ANKRD30B: variants seen among roughly 807,000 people sequenced by gnomAD.
ANKRD30B encodes the protein ankyrin repeat domain-containing protein 30B.
A neutral mutation model predicts 202.2 loss-of-function variants in ANKRD30B; 144 were observed. That is an observed-to-expected ratio of 0.71 (90% CI 0.62 to 0.82). ANKRD30B has a LOEUF of 0.82. ANKRD30B is among the 40% of genes least tolerant of loss of function. ANKRD30B has a pLI of 0.00. For synonymous variants in ANKRD30B, 508 were observed against 561.3 expected (o/e 0.91, Z 1.34); for missense variants, 1,487 against 1,669.1 (o/e 0.89, Z 1.90).
chr18:14,917,699 C>T, the ANKRD30B span, among the ~76,000 whole-genome samples: 3,683 of 152,338 alleles, frequency 0.024, 157 homozygotes, highest in African/African-American at 0.085. Context: ...GGCCATGTAA[C>T]TAATGTTCCT....
the ANKRD30B span, among the ~76,000 whole-genome samples, chr18:14,892,306 A>G: frequency 1.3e-5 from 2 of 152,244 alleles, no homozygotes; most frequent in Admixed American, 6.5e-5. Context: ...GTTGACTGAT[A>G]GAGTTATTAT....
chr18:14,908,177 C>G, the ANKRD30B span, among the ~76,000 whole-genome samples: 1 of 152,108 alleles, frequency 6.6e-6, no homozygotes, highest in South Asian at 2.1e-4. Context: ...TGTATGAAGC[C>G]TCACAGGTAG....
At position 14,773,072 on chromosome 18, in the gene ANKRD30B, C is replaced by G. The variant is rs115517661; in HGVS notation, c.1329+844C>G. ...TAAAAGTATGCTTTAAATTCTTCATCTAAATGAAGAATGCAGATTTTACCC... is the reference window on the plus strand; with the variant it reads ...TAAAAGTATGCTTTAAATTCTTCATGTAAATGAAGAATGCAGATTTTACCC... On this transcript the variant is annotated intron_variant, in intron 9 of 43. Transcript: ENST00000690538. Among the ~76,000 whole-genome samples, 716 of 152,192 alleles carry G rather than the reference C, an allele frequency of 4.7e-3. 8 individuals are homozygous for G. Among genetic ancestry groups the G allele is most frequent in the African/African-American group, 0.016 (651 of 41,540 alleles).
At chr18:14,836,913 C>T (rs1971199854) in intron 34 of ANKRD30B, among the ~76,000 whole-genome samples, 1 of 152,044 alleles carries the variant, frequency 6.6e-6, no homozygotes, top group African/African-American at 2.4e-5. Flanking sequence ...TGATTTTTCT[C>T]TCCTTTGTGC....
At chr18:14,795,110 C>A (rs1330225198) in intron 16 of ANKRD30B, among the ~76,000 whole-genome samples, 5 of 152,152 alleles carry the variant, frequency 3.3e-5, no homozygotes, top group Non-Finnish European at 7.3e-5. Flanking sequence ...TTTTCAATAA[C>A]CATTACTCTA....
the ANKRD30B span, among the ~76,000 whole-genome samples, chr18:14,929,766 C>T: frequency 8.7e-4 from 133 of 152,052 alleles, no homozygotes; most frequent in African/African-American, 1.2e-3. Flanking sequence ...TGGATAACAA[C>T]GGCAACTACA....
At chr18:14,819,286 C>T (rs1441793687) in intron 30 of ANKRD30B, among the ~76,000 whole-genome samples, 46 of 150,840 alleles carry the variant, frequency 3.0e-4, no homozygotes, top group African/African-American at 8.3e-4. Context: ...GAGTAGGTTG[C>T]GAAAATTTTC....
At chr18:14,872,468 T>C in the ANKRD30B span, among the ~76,000 whole-genome samples, 1 of 152,178 alleles carries the variant, frequency 6.6e-6, no homozygotes, top group East Asian at 1.9e-4. Context: ...TTCTATCAAC[T>C]TATCCATTTA....
intron 7 of ANKRD30B, among the ~76,000 whole-genome samples, chr18:14,768,357 C>T (rs1355117727): frequency 6.6e-6 from 1 of 152,168 alleles, no homozygotes; most frequent in Admixed American, 6.5e-5. Context: ...TCATAATAAA[C>T]TGGTAAATGT....
At chr18:14,863,048 A>G in the ANKRD30B span, among the ~76,000 whole-genome samples, 19 of 152,316 alleles carry the variant, frequency 1.2e-4, no homozygotes, top group East Asian at 1.9e-3. Flanking sequence ...TCACAGATGG[A>G]GGAACGTACC....
At chr18:14,841,562 G>T (rs1401997452) in intron 37 of ANKRD30B, among the ~76,000 whole-genome samples, 1 of 152,144 alleles carries the variant, frequency 6.6e-6, no homozygotes, top group Non-Finnish European at 1.5e-5. Flanking sequence ...AATTACAGAT[G>T]TCAGATACTA....
chr18:14,780,838 T>C (rs1392486938), intron 11 of ANKRD30B, among the ~76,000 whole-genome samples: 1 of 152,194 alleles, frequency 6.6e-6, no homozygotes, highest in African/African-American at 2.4e-5. Context: ...GCATAAAGAA[T>C]AGGAAACCAG....
At chr18:14,920,871 T>C in the ANKRD30B span, among the ~76,000 whole-genome samples, 1 of 152,248 alleles carries the variant, frequency 6.6e-6, no homozygotes, top group Non-Finnish European at 1.5e-5. Flanking sequence ...TGCAAGTGCA[T>C]GTAAGATTGG....
intron 8 of ANKRD30B, 79 bp downstream of exon 8, chr18:14,769,452 T>A: frequency 2.6e-6 from 3 of 1,144,416 alleles, no homozygotes; most frequent in Non-Finnish European, 2.5e-6. Flanking sequence ...TGCTGAGTAT[T>A]CTACTCTGGG....
At chr18:14,938,550 T>C in the ANKRD30B span, among the ~76,000 whole-genome samples, 3 of 152,218 alleles carry the variant, frequency 2.0e-5, no homozygotes, top group South Asian at 2.1e-4. Context: ...TCTGAGACAT[T>C]CATAGTTCAT....
chr18:14,750,883 A>G (rs1474541735), intron 1 of ANKRD30B, among the ~76,000 whole-genome samples: 2 of 152,058 alleles, frequency 1.3e-5, no homozygotes. Context: ...AACATTTGCT[A>G]TTTGAGGATA....
the ANKRD30B span, among the ~76,000 whole-genome samples, chr18:14,876,898 G>C: frequency 1.3e-5 from 2 of 151,214 alleles, no homozygotes; most frequent in African/African-American, 4.9e-5. Flanking sequence ...GTCACGCAAA[G>C]TTCAAATGTA....
intron 15 of ANKRD30B, among the ~76,000 whole-genome samples, chr18:14,788,742 G>A (rs1425985674): frequency 3.3e-5 from 5 of 151,848 alleles, no homozygotes; most frequent in Non-Finnish European, 7.4e-5. Flanking sequence ...TTTTATGGCT[G>A]CATAGTAATC....
intron 3 of ANKRD30B, among the ~76,000 whole-genome samples, chr18:14,753,864 C>T (rs1223775474): frequency 6.6e-6 from 1 of 152,030 alleles, no homozygotes. Context: ...TTATGCTAAT[C>T]CACATAGATG....
Sources: allele counts gnomAD v4.1 joint callset (sites outside exome capture counted in the v4.1 genomes callset), GRCh38; gene constraint gnomAD v4.1.1; transcripts MANE v1.5; gene names NCBI Gene and HGNC (gene_info 2026-07-23, HGNC 2026-07-21).